The following WDR72 variants were observed in gnomAD, a reference collection of about 807,000 sequenced individuals.
WDR72 encodes the protein WD repeat domain 72.
WDR72 carries 120 observed loss-of-function variants against 124.2 expected under a neutral mutation model. The ratio of observed to expected loss-of-function variants is 0.97; its 90% CI spans 0.83 to 1.12. The LOEUF is 1.12. WDR72 is among the 50% of genes most tolerant of loss of function. The probability of loss-of-function intolerance (pLI) is 0.00; values close to 1 mark genes in which losing one functional copy is unlikely to be tolerated. For missense variants in WDR72, 1,387 were observed against 1,278.8 expected (o/e 1.08, Z -1.29); for synonymous variants, 452 against 441.7 (o/e 1.02, Z -0.29).
At chr15:53,638,394 C>T (rs147569711) in intron 14 of WDR72, among the ~76,000 whole-genome samples, 105 of 152,166 alleles carry the variant, frequency 6.9e-4, no homozygotes, top group Non-Finnish European at 8.5e-4. Flanking sequence ...AGAGGGCTAC[C>T]CTGGAATAGA....
intron 14 of WDR72, among the ~76,000 whole-genome samples, chr15:53,648,552 A>G (rs555170012): frequency 2.3e-4 from 35 of 152,254 alleles, no homozygotes; most frequent in African/African-American, 7.9e-4. Context: ...GAACTGGCTC[A>G]CCATTAAGTA....
chr15:53,690,409 T>C (rs751459163), intron 13 of WDR72, among the ~76,000 whole-genome samples: 12 of 152,114 alleles, frequency 7.9e-5, no homozygotes, highest in South Asian at 2.1e-4. Flanking sequence ...GAATCCCCCA[T>C]ACCATTAAGT....
chr15:53,597,988 C>T (rs1363704399), intron 17 of WDR72, among the ~76,000 whole-genome samples: 1 of 152,102 alleles, frequency 6.6e-6, no homozygotes. Flanking sequence ...ATTCTATGTC[C>T]TTCGAAGTAC....
intron 13 of WDR72, among the ~76,000 whole-genome samples, chr15:53,672,429 A>G (rs554595831): frequency 9.9e-5 from 15 of 152,164 alleles, no homozygotes; most frequent in Admixed American, 5.9e-4. Flanking sequence ...AACTGCTGTA[A>G]ATCAGTATGT....
intron 18 of WDR72, among the ~76,000 whole-genome samples, chr15:53,543,741 C>A (rs948018028): frequency 6.6e-6 from 1 of 151,766 alleles, no homozygotes; most frequent in African/African-American, 2.4e-5. Context: ...ATTGATAGAC[C>A]GCTAGCAAGA....
upstream of WDR72, among the ~76,000 whole-genome samples, chr15:53,761,711 C>G (rs1269658445): frequency 1.2e-4 from 19 of 152,104 alleles, no homozygotes. Flanking sequence ...ACCTGTAGTA[C>G]CAGTTCCTCT....
At chr15:53,758,256 C>G (rs919059898) in intron 1 of WDR72, among the ~76,000 whole-genome samples, 3 of 152,146 alleles carry the variant, frequency 2.0e-5, no homozygotes, top group African/African-American at 7.2e-5. Flanking sequence ...CTACCTTGGC[C>G]TCCCAAAGTG....
intron 13 of WDR72, among the ~76,000 whole-genome samples, chr15:53,668,921 A>AAGGG: frequency 8.4e-6 from 1 of 119,230 alleles, no homozygotes; most frequent in African/African-American, 3.2e-5. Flanking sequence ...AAAAAAAAAA[A>AAGGG]GAGGAAGGAG....
chr15:53,685,636 T>A (rs2016592832), intron 13 of WDR72, among the ~76,000 whole-genome samples: 1 of 150,630 alleles, frequency 6.6e-6, no homozygotes, highest in South Asian at 2.1e-4. Context: ...GAAAACACGC[T>A]GCAGGATATT....
intron 14 of WDR72, among the ~76,000 whole-genome samples, chr15:53,638,052 T>C (rs939674032): frequency 6.6e-6 from 1 of 152,212 alleles, no homozygotes; most frequent in Non-Finnish European, 1.5e-5. Flanking sequence ...GGAAAATGAA[T>C]GCATGAAATA....
intron 18 of WDR72, among the ~76,000 whole-genome samples, chr15:53,543,710 T>G (rs1483971844): frequency 6.6e-6 from 1 of 151,826 alleles, no homozygotes; most frequent in African/African-American, 2.4e-5. Context: ...CCAGGAGCTG[T>G]TTTCTGAAAA....
At chr15:53,622,224 T>G (rs553037722) in intron 14 of WDR72, among the ~76,000 whole-genome samples, 1 of 152,304 alleles carries the variant, frequency 6.6e-6, no homozygotes, top group African/African-American at 2.4e-5. Context: ...TAGCGATTCC[T>G]CGAAGACCTA....
At chr15:53,684,939 T>C (rs2016558965) in intron 13 of WDR72, among the ~76,000 whole-genome samples, 2 of 148,204 alleles carry the variant, frequency 1.3e-5, no homozygotes, top group South Asian at 2.1e-4. Context: ...GGCACCCCCC[T>C]AGCAGGGGCA....
chr15:53,749,250 C>G (rs1335506819), intron 1 of WDR72, among the ~76,000 whole-genome samples: 1 of 152,158 alleles, frequency 6.6e-6, no homozygotes, highest in Admixed American at 6.5e-5. Context: ...ACAGTATGTG[C>G]TCACTTCATG....
chr15:53,736,109 T>C (rs1425682951), intron 1 of WDR72, among the ~76,000 whole-genome samples: 3 of 151,830 alleles, frequency 2.0e-5, no homozygotes, highest in Non-Finnish European at 4.4e-5. Context: ...AAATCAGAGA[T>C]GTTAAGAGAT....
chr15:53,734,651 C>T (rs1333786297), intron 1 of WDR72, among the ~76,000 whole-genome samples: 1 of 151,944 alleles, frequency 6.6e-6, no homozygotes, highest in African/African-American at 2.4e-5. Flanking sequence ...TAGGAGTTTG[C>T]ATATTAATCC....
At chr15:53,688,146 G>C (rs1052508721) in intron 13 of WDR72, among the ~76,000 whole-genome samples, 9 of 150,622 alleles carry the variant, frequency 6.0e-5, no homozygotes, top group South Asian at 2.1e-4. Flanking sequence ...CCTTTGAAAA[G>C]TGGCACAAGA....
At chr15:53,552,711 T>C (rs1029089439) in intron 18 of WDR72, among the ~76,000 whole-genome samples, 1 of 152,128 alleles carries the variant, frequency 6.6e-6, no homozygotes. Flanking sequence ...CTGTATCATA[T>C]AGAAGAATAG....
intron 2 of WDR72, among the ~76,000 whole-genome samples, chr15:53,730,230 C>A (rs1278766571): frequency 2.6e-5 from 4 of 152,056 alleles, no homozygotes; most frequent in African/African-American, 4.8e-5. Context: ...CATGAATGAA[C>A]CTTGAAGACA....
Sources: gnomAD v4.1 joint callset for allele counts (sites outside exome capture counted in the v4.1 genomes callset) on GRCh38, gnomAD v4.1.1 for gene constraint, MANE v1.5 for transcripts, NCBI Gene and HGNC (gene_info 2026-07-23, HGNC 2026-07-21) for gene names.